Variants in GALNS observed in about 807,000 individuals in gnomAD.
GALNS encodes N-acetylgalactosamine-6-sulfatase.
In GALNS, 65 loss-of-function variants were observed where a neutral mutation model predicts 65.9. The observed-to-expected ratio is 0.99, with a 90% CI of 0.81 to 1.21. The LOEUF (loss-of-function observed/expected upper bound fraction) is 1.21, where lower values mean the gene tolerates loss of function less well. GALNS is among the 50% of genes most tolerant of loss of function. GALNS has a pLI of 0.00. For synonymous variants in GALNS, 346 were observed against 288.9 expected (o/e 1.20, Z -2.00); for missense variants, 776 against 700.7 (o/e 1.11, Z -1.21).
At chr16:88,823,761 G>A (rs1320260264) in intron 11 of GALNS, among the ~76,000 whole-genome samples, 3 of 143,906 alleles carry the variant, frequency 2.1e-5, no homozygotes, top group Non-Finnish European at 4.6e-5. Flanking sequence ...TGCCCAGGAC[G>A]GCCCTCGCAG....
intron 13 of GALNS, chr16:88,816,200 G>C (rs1436372985): frequency 1.0e-6 from 1 of 985,364 alleles, no homozygotes; most frequent in East Asian, 1.1e-4. Flanking sequence ...GGCAGTGGCA[G>C]CCAGGCTGTG....
chr16:88,856,903 C>T lies in GALNS; in HGVS notation c.-26G>A, dbSNP rs1451204446. ...GGCAACCACGGGAGCCGCGGAGCCC[C>T]GGCCAGCGAGCCGACCTAGCGAGCG... On this transcript the variant is annotated 5_prime_UTR_variant, in exon 1 of 14. Coordinates refer to ENST00000268695, the MANE Select transcript of GALNS (RefSeq NM_000512.5). 1.3e-6 allele frequency: 2 copies of T among 1,498,742 alleles called. No individual in the cohort carries two copies. Among genetic ancestry groups the T allele is most frequent in the South Asian group, 2.5e-5 (2 of 80,392 alleles). 92.8% of individuals were successfully genotyped at this position (1,498,742 alleles called of 1,614,324 possible).
rs1597570579 is a variant in GALNS, at chr16:88,836,186, T to G, written c.633+15A>C. ...CATGCGTCCCACAGGGCGAGGATGG[T>G]GCGGTCCCCATCACCTGCAGGTAGA... On this transcript the variant is annotated intron_variant, in intron 6 of 13. Coordinates refer to ENST00000268695, the MANE Select transcript of GALNS (RefSeq NM_000512.5). 1 of 1,611,726 alleles carries G rather than the reference T, an allele frequency of 6.2e-7. No homozygotes were observed. Among genetic ancestry groups the G allele is most frequent in the Non-Finnish European group, 8.5e-7 (1 of 1,178,384 alleles).
In GALNS at chr16:88,842,071, C is replaced by A. The variant is rs1028496429; in HGVS notation, c.245-100G>T. ...AACGAGTAGACAGACGCGTGACAGA[C>A]GAGGCACGCGCAGGTTTACAAGGGG... is the stretch of plus-strand genomic sequence containing the variant. On this transcript the variant is annotated intron_variant, in intron 2 of 13. Transcript: ENST00000268695. The A allele has an allele frequency of 8.6e-6, 9 of 1,041,130 alleles. No individual in the cohort carries two copies. The African/African-American group carries it at 1.1e-4, about 13-fold the overall frequency. 64.5% of individuals were successfully genotyped at this position (1,041,130 alleles called of 1,614,324 possible).
intron 11 of GALNS, among the ~76,000 whole-genome samples, chr16:88,824,135 G>A (rs1170804530): frequency 6.6e-6 from 1 of 152,138 alleles, no homozygotes; most frequent in Non-Finnish European, 1.5e-5. Context: ...CATATCTCAA[G>A]ACTTTGATGC....
At chr16:88,835,116 C>T (rs1174197878) in intron 8 of GALNS, 97 bp downstream of exon 8, 2 of 1,470,308 alleles carry the variant, frequency 1.4e-6, no homozygotes, top group Non-Finnish European at 1.9e-6. Context: ...CCTTCATGCT[C>T]TGCCCACCAC....
At chr16:88,837,821 T>G in intron 4 of GALNS, 56 bp from the exon 5 acceptor site, 1 of 1,592,126 alleles carries the variant, frequency 6.3e-7, no homozygotes, top group Non-Finnish European at 8.6e-7. Flanking sequence ...ACTCGGAAGT[T>G]CTGAGCAGCA....
intron 2 of GALNS, chr16:88,842,190 A>C (rs1597582484): frequency 1.5e-6 from 1 of 646,448 alleles, no homozygotes; most frequent in East Asian, 2.8e-5. Context: ...TGGGCCCTGC[A>C]GCTCAGCGTT....
intron 1 of GALNS, among the ~76,000 whole-genome samples, chr16:88,850,316 C>A (rs1263503345): frequency 3.9e-5 from 6 of 152,226 alleles, no homozygotes; most frequent in Non-Finnish European, 1.5e-5. Context: ...CGTCCTGAGG[C>A]TTCCCGAGGC....
chr16:88,852,848 A>T (rs1967571217), intron 1 of GALNS, among the ~76,000 whole-genome samples: 1 of 152,176 alleles, frequency 6.6e-6, no homozygotes, highest in Non-Finnish European at 1.5e-5. Flanking sequence ...CCAGCTACTC[A>T]GGAGGCTGAG....
At chr16:88,816,682 C>T (rs1050309564) in intron 13 of GALNS, 2 of 985,352 alleles carry the variant, frequency 2.0e-6, no homozygotes, top group Non-Finnish European at 2.4e-6. Flanking sequence ...CATCCGCCGG[C>T]CCACGCTGTG....
Position 88,842,172 on chromosome 16 carries a change from G to A in GALNS, c.245-201C>T, listed in dbSNP as rs182908457. Reference sequence around the variant, plus strand: ...CGGCACCCATTCCACTGAAAGACGCGTGGCCCTTGGGCCCTGCAGCTCAGC... The same window carrying A: ...CGGCACCCATTCCACTGAAAGACGCATGGCCCTTGGGCCCTGCAGCTCAGC... On this transcript the variant is annotated intron_variant, in intron 2 of 13. Coordinates refer to ENST00000268695, the MANE Select transcript of GALNS (RefSeq NM_000512.5). 655 of 668,104 alleles carry A rather than the reference G, an allele frequency of 9.8e-4. 5 individuals are homozygous for A. The African/African-American group carries it at 0.011, about 11-fold the overall frequency. 41.4% of individuals were successfully genotyped at this position (668,104 alleles called of 1,614,324 possible). A position where few individuals can be genotyped will look rare whatever the true frequency, so the allele number is the denominator to read the frequency against.
intron 8 of GALNS, among the ~76,000 whole-genome samples, chr16:88,834,365 C>CT (rs1156408436): frequency 8.6e-6 from 1 of 116,942 alleles, no homozygotes; most frequent in African/African-American, 3.3e-5. Context: ...GGCCCCCCCC[C>CT]GCGTGGTCTG....
intron 1 of GALNS, chr16:88,854,990 C>T (rs1472032715): frequency 8.9e-6 from 3 of 338,752 alleles, no homozygotes; most frequent in East Asian, 1.7e-4. Flanking sequence ...CCCTCCCCCA[C>T]ATGTGCCCCG....
intron 1 of GALNS, chr16:88,856,096 A>G: frequency 1.5e-6 from 1 of 687,986 alleles, no homozygotes; most frequent in East Asian, 2.7e-5. Flanking sequence ...GGTGGCTCCC[A>G]CAAGGAGTTA....
rs114340213 is a variant in GALNS, at chr16:88,843,446, C to T, written c.121-617G>A. On this transcript the variant is annotated intron_variant, in intron 1 of 13. Coordinates refer to ENST00000268695, the MANE Select transcript of GALNS (RefSeq NM_000512.5). ...AGCACCCTGAGCGCCCATCGGCAGACGACAAAGTGCGGCCGGCGTGTACTA... is the reference window on the plus strand; with the variant it reads ...AGCACCCTGAGCGCCCATCGGCAGATGACAAAGTGCGGCCGGCGTGTACTA... 5.1e-3 allele frequency: 1,770 copies of T among 348,318 alleles called. 23 individuals carry two copies. Among genetic ancestry groups the T allele is most frequent in the East Asian group, 0.037 (494 of 13,336 alleles). 21.6% of individuals were successfully genotyped at this position (348,318 alleles called of 1,614,324 possible).
chr16:88,824,340 G>A (rs930337788), intron 11 of GALNS, among the ~76,000 whole-genome samples: 3 of 152,046 alleles, frequency 2.0e-5, no homozygotes, highest in South Asian at 2.1e-4. Context: ...TGCGTGTGGC[G>A]TTTCACCCTC....
chr16:88,848,409 T>C (rs541261085), intron 1 of GALNS, among the ~76,000 whole-genome samples: 1 of 152,182 alleles, frequency 6.6e-6, no homozygotes, highest in East Asian at 1.9e-4. Context: ...GGCAGGTGGA[T>C]CACGAGGTGG....
rs151249008 is a variant in GALNS at position 88,834,315 on chromosome 16, T to C, written c.898+898A>G. Reference sequence around the variant, plus strand: ...CCCGACATGGTCTGGGACGAGGCTGTAGGGCTCTCCCCACCACGTGGTCTG... The same window carrying C: ...CCCGACATGGTCTGGGACGAGGCTGCAGGGCTCTCCCCACCACGTGGTCTG... On this transcript the variant is annotated intron_variant, in intron 8 of 13. Transcript: ENST00000268695. Among the ~76,000 whole-genome samples the C allele has an allele frequency of 4.5e-3, 616 of 137,146 alleles. 5 individuals are homozygous for C. Among genetic ancestry groups the C allele is most frequent in the South Asian group, 9.0e-3 (35 of 3,870 alleles). The allele number at this position is 137,146 out of a possible 152,430, so 90.0% of individuals were successfully genotyped here.
Sources: gnomAD v4.1 joint callset for allele counts (sites outside exome capture counted in the v4.1 genomes callset) on GRCh38, gnomAD v4.1.1 for gene constraint, MANE v1.5 for transcripts, NCBI Gene and HGNC (gene_info 2026-07-23, HGNC 2026-07-21) for gene names.